RAI1: variants seen among roughly 807,000 people sequenced by gnomAD.
RAI1 encodes the protein retinoic acid-induced protein 1.
In RAI1, 9 loss-of-function variants were observed where a neutral mutation model predicts 123.8. That is an observed-to-expected ratio of 0.07 (90% CI 0.04 to 0.13). The LOEUF (loss-of-function observed/expected upper bound fraction) is 0.13, where lower values mean the gene tolerates loss of function less well. Among genes scored for constraint, RAI1 ranks in the 10% least tolerant of loss-of-function variants. RAI1 has a pLI of 1.00. For missense variants in RAI1, 2,256 were observed against 2,545.8 expected (o/e 0.89, Z 2.45); for synonymous variants, 1,231 against 1,127.3 (o/e 1.09, Z -1.84).
chr17:17,780,554 G>A (rs753885008), intron 2 of RAI1, among the ~76,000 whole-genome samples: 1 of 152,238 alleles, frequency 6.6e-6, no homozygotes, highest in Non-Finnish European at 1.5e-5. Flanking sequence ...GGCCCCCAGA[G>A]GCTGGAGTTT....
In RAI1 at chr17:17,724,136, G is replaced by T. The variant is rs1915988675; in HGVS notation, c.-40G>T. The T allele has an allele frequency of 6.6e-6, 1 of 151,848 alleles. No individual in the cohort carries two copies. Among genetic ancestry groups the T allele is most frequent in the South Asian group, 2.1e-4 (1 of 4,748 alleles). The allele number at this position is 151,848 out of a possible 1,614,324, so 9.4% of individuals were successfully genotyped here. ...GGCGAGACGCGCAGCGCCGGCGCCC[G>T]GGAGACCCAGGAGGAGCCCGCAGGT... On this transcript the variant is annotated 5_prime_UTR_variant, in exon 2 of 6. Transcript: ENST00000353383.
At chr17:17,776,409 T>G (rs2031344218) in intron 2 of RAI1, among the ~76,000 whole-genome samples, 1 of 152,192 alleles carries the variant, frequency 6.6e-6, no homozygotes, top group Admixed American at 6.5e-5. Context: ...CTCACTCTGT[T>G]GCCCAGGCTG....
intron 4 of RAI1, among the ~76,000 whole-genome samples, chr17:17,806,780 C>T (rs2032601258): frequency 6.6e-6 from 1 of 152,216 alleles, no homozygotes; most frequent in Admixed American, 6.5e-5. Flanking sequence ...GGGCCACTCA[C>T]AGCCTAGGTC....
intron 2 of RAI1, among the ~76,000 whole-genome samples, chr17:17,752,490 G>A (rs932437013): frequency 6.6e-6 from 1 of 152,184 alleles, no homozygotes; most frequent in South Asian, 2.1e-4. Context: ...CAGCCGCCCC[G>A]GGAGCCTGGG....
intron 1 of RAI1, among the ~76,000 whole-genome samples, chr17:17,721,587 T>A (rs1915883019): frequency 6.6e-6 from 1 of 152,116 alleles, no homozygotes; most frequent in African/African-American, 2.4e-5. Flanking sequence ...ATCAACCACC[T>A]GGGGGACTTT....
chr17:17,754,563 C>T (rs2030356005), intron 2 of RAI1, among the ~76,000 whole-genome samples: 1 of 152,220 alleles, frequency 6.6e-6, no homozygotes. Context: ...AATTCCCCTC[C>T]TGCCTCCCAT....
chr17:17,687,070 G>C (rs1206372054), intron 1 of RAI1, among the ~76,000 whole-genome samples: 1 of 152,068 alleles, frequency 6.6e-6, no homozygotes, highest in Non-Finnish European at 1.5e-5. Context: ...TGCAACCTCT[G>C]CCTCCCGGGT....
chr17:17,682,073 TG>T (rs1010896202), intron 1 of RAI1, among the ~76,000 whole-genome samples: 1 of 33,292 alleles, frequency 3.0e-5, no homozygotes, highest in Non-Finnish European at 6.3e-5. Flanking sequence ...TGAGGTCGGG[TG>T]GGGGCATGGG....
intron 2 of RAI1, among the ~76,000 whole-genome samples, chr17:17,773,262 G>A (rs1165214636): frequency 6.6e-6 from 1 of 152,190 alleles, no homozygotes; most frequent in Non-Finnish European, 1.5e-5. Flanking sequence ...CTCAGCTCCT[G>A]TGCCCAGCGT....
chr17:17,784,574 C>G (rs1037511153), intron 2 of RAI1, among the ~76,000 whole-genome samples: 7 of 152,172 alleles, frequency 4.6e-5, no homozygotes, highest in African/African-American at 1.4e-4. Context: ...AAGTGTCTTC[C>G]CGTGGCTCGT....
At chr17:17,718,527 A>C (rs1915780758) in intron 1 of RAI1, among the ~76,000 whole-genome samples, 2 of 152,194 alleles carry the variant, frequency 1.3e-5, no homozygotes, top group Admixed American at 1.3e-4. Context: ...TGCCAGCCCC[A>C]TGTGGGCAGG....
At chr17:17,775,259 G>A (rs12950737) in intron 2 of RAI1, among the ~76,000 whole-genome samples, 61,726 of 148,256 alleles carry the variant, frequency 0.42, 16,514 homozygotes, top group Non-Finnish European at 0.61. Flanking sequence ...GTTGGAGTGC[G>A]GTGGCACAAT....
At chr17:17,724,409 T>TC (rs1916006654) in intron 2 of RAI1, among the ~76,000 whole-genome samples, 1 of 146,154 alleles carries the variant, frequency 6.8e-6, no homozygotes, top group African/African-American at 2.5e-5. Flanking sequence ...TTCTTTCCTT[T>TC]TTTTTTTTTT....
chr17:17,809,032 ACACAGGC>A lies in RAI1; in HGVS notation c.5660-355_5660-349del. On this transcript the variant is annotated intron_variant, in intron 4 of 5. Coordinates refer to ENST00000353383, the MANE Select transcript of RAI1 (RefSeq NM_030665.4). The surrounding 1 kb of genome is among the most constrained non-coding windows in gnomAD (Gnocchi z 4.9). ...AAGAAACAAGGAGCAAGACAAGATCACACAGGCCAGTCTCTTAGGAGGCAGTGACAAG... is the reference window on the plus strand; with the variant it reads ...AAGAAACAAGGAGCAAGACAAGATCACAGTCTCTTAGGAGGCAGTGACAAG... 2.7e-6 allele frequency: 1 copy of A among 370,432 alleles called. No homozygotes were observed. The highest frequency in any genetic ancestry group is 5.2e-6 in the Non-Finnish European group (1 of 193,682). 22.9% of individuals were successfully genotyped at this position (370,432 alleles called of 1,614,324 possible). A position where few individuals can be genotyped will look rare whatever the true frequency, so the allele number is the denominator to read the frequency against.
rs1002318657 is a variant in RAI1, at chr17:17,800,006, C to T, written c.5565+1493C>T. ...GGAGACCTTCTCCACGCCCAGACGC[C>T]CTGCCCACCTCACTCCACCCTCCAC... On this transcript the variant is annotated intron_variant, in intron 3 of 5. Coordinates refer to ENST00000353383, the MANE Select transcript of RAI1 (RefSeq NM_030665.4). This position sits in a 1 kb window ranked among gnomAD's most constrained non-coding sequence, Gnocchi z 4.7. 3.3e-5 allele frequency among the ~76,000 whole-genome samples: 5 copies of T among 152,106 alleles called. No homozygotes were observed. Among genetic ancestry groups the T allele is most frequent in the African/African-American group, 1.2e-4 (5 of 41,410 alleles).
intron 2 of RAI1, among the ~76,000 whole-genome samples, chr17:17,783,188 CGGGGACCG>C (rs1346560911): frequency 5.9e-5 from 9 of 152,048 alleles, no homozygotes; most frequent in East Asian, 1.9e-4. Flanking sequence ...CTGCAGCGAC[CGGGGACCG>C]GGGGACCGGG....
intron 1 of RAI1, chr17:17,683,508 G>A (rs975972064): frequency 6.6e-6 from 1 of 152,268 alleles, no homozygotes; most frequent in African/African-American, 2.4e-5. Context: ...AAACTGGAAA[G>A]GAATCTTCTA....
At chr17:17,749,599 C>A (rs77181910) in intron 2 of RAI1, among the ~76,000 whole-genome samples, 9 of 152,222 alleles carry the variant, frequency 5.9e-5, no homozygotes, top group South Asian at 4.1e-4. Context: ...ATCTTCCCCC[C>A]CTCTTGGTAC....
At chr17:17,757,617 T>A (rs537739688) in intron 2 of RAI1, among the ~76,000 whole-genome samples, 1 of 151,746 alleles carries the variant, frequency 6.6e-6, no homozygotes, top group African/African-American at 2.4e-5. Flanking sequence ...GATTTTTTTT[T>A]CCCACAACTC....
Sources: gnomAD v4.1 joint callset for allele counts (sites outside exome capture counted in the v4.1 genomes callset) on GRCh38, gnomAD v4.1.1 for gene constraint, Gnocchi (gnomAD v3.1) non-coding constraint, MANE v1.5 for transcripts, NCBI Gene and HGNC (gene_info 2026-07-23, HGNC 2026-07-21) for gene names.